MSH3: variants seen among roughly 807,000 people sequenced by gnomAD.
MSH3 encodes mutS homolog 3, also known as DNA mismatch repair protein Msh3.
A neutral mutation model predicts 123.3 loss-of-function variants in MSH3; 106 were observed. The observed-to-expected ratio is 0.86, with a 90% confidence interval of 0.73 to 1.01. The LOEUF (loss-of-function observed/expected upper bound fraction) is 1.01. MSH3 is among the 50% of genes least tolerant of loss of function. The probability of loss-of-function intolerance (pLI) is 0.00; values close to 1 mark genes in which losing one functional copy is unlikely to be tolerated. For missense variants in MSH3, 1,459 were observed against 1,347.6 expected, an observed-to-expected ratio of 1.08 and a Z score of -1.29; for synonymous variants, 515 against 481.4, an observed-to-expected ratio of 1.07 and a Z score of -0.91.
chr5:80,817,526 A>AG (rs1010065788), intron 20 of MSH3, among the ~76,000 whole-genome samples: 20 of 152,318 alleles, frequency 1.3e-4, no homozygotes, highest in South Asian at 2.1e-4. Flanking sequence ...TGGGATATCC[A>AG]GTGGGATATG....
intron 13 of MSH3, among the ~76,000 whole-genome samples, chr5:80,764,516 A>ATTTT (rs575667262): frequency 3.4e-4 from 44 of 128,812 alleles, no homozygotes; most frequent in African/African-American, 1.2e-3. Context: ...ATGCCCAGCT[A>ATTTT]TTTTTTTTTT....
chr5:80,673,556 A>G (rs1421882736), intron 6 of MSH3, among the ~76,000 whole-genome samples: 1 of 152,158 alleles, frequency 6.6e-6, no homozygotes, highest in East Asian at 1.9e-4. Flanking sequence ...AAACAAACCA[A>G]AAATTCAAAA....
chr5:80,763,702 G>A (rs981637218), intron 13 of MSH3, among the ~76,000 whole-genome samples: 2 of 152,174 alleles, frequency 1.3e-5, no homozygotes, highest in Admixed American at 6.5e-5. Flanking sequence ...AGTGTCCATG[G>A]CATCAAGATG....
intron 8 of MSH3, among the ~76,000 whole-genome samples, chr5:80,690,565 G>C (rs143124955): frequency 1.1e-4 from 16 of 152,064 alleles, no homozygotes; most frequent in African/African-American, 3.6e-4. Flanking sequence ...TGATCCGTCC[G>C]CCTTGGCCTC....
At chr5:80,656,325 T>G in intron 1 of MSH3, 86 bp from the exon 2 acceptor site, 2 of 1,554,880 alleles carry the variant, frequency 1.3e-6, no homozygotes, top group South Asian at 2.3e-5. Context: ...ACCTTGTCAT[T>G]CAGTTGTAAG....
At chr5:80,847,077 T>C (rs1580087334) in intron 20 of MSH3, among the ~76,000 whole-genome samples, 1 of 152,150 alleles carries the variant, frequency 6.6e-6, no homozygotes, top group Non-Finnish European at 1.5e-5. Context: ...GATTTTTTTC[T>C]GAGACAGATT....
At chr5:80,784,562 C>A (rs539213719) in intron 17 of MSH3, among the ~76,000 whole-genome samples, 1 of 152,212 alleles carries the variant, frequency 6.6e-6, no homozygotes, top group Non-Finnish European at 1.5e-5. Flanking sequence ...ACAAACAATC[C>A]AATTACACTC....
intron 19 of MSH3, among the ~76,000 whole-genome samples, chr5:80,802,426 C>A (rs1409728093): frequency 1.8e-4 from 26 of 147,936 alleles, no homozygotes; most frequent in South Asian, 1.1e-3. Flanking sequence ...AAAAACAAAA[C>A]AAAAATTGGG....
rs547280282 is a variant in MSH3, at chr5:80,846,630, C to T, written c.2814-7500C>T. Among the ~76,000 whole-genome samples the T allele has an allele frequency of 4.6e-5, 7 of 152,294 alleles. No homozygotes were observed. The South Asian group carries it at 1.2e-3, about 27-fold the overall frequency. ...TCAAGCCTCAGCAATGGCAGATGCC[C>T]CTCCCCCTGTCAAGCCACAACGTCG... On this transcript the variant is annotated intron_variant, in intron 20 of 23. Transcript: ENST00000265081.
intron 20 of MSH3, among the ~76,000 whole-genome samples, chr5:80,836,774 T>TCCCTCTCCCCACGGTCTCCC (rs1561494208): frequency 2.0e-5 from 3 of 151,484 alleles, no homozygotes; most frequent in African/African-American, 7.4e-5. Context: ...CTATACTGTA[T>TCCCTCTCCCCACGGTCTCCC]TATTTTTAAC....
At chr5:80,826,472 G>A (rs540674282) in intron 20 of MSH3, among the ~76,000 whole-genome samples, 4 of 152,068 alleles carry the variant, frequency 2.6e-5, no homozygotes, top group East Asian at 1.9e-4. Context: ...TTCATTGAGT[G>A]CCCACTATGT....
At chr5:80,779,388 T>C (rs1744368705) in intron 17 of MSH3, among the ~76,000 whole-genome samples, 1 of 152,144 alleles carries the variant, frequency 6.6e-6, no homozygotes, top group Admixed American at 6.6e-5. Flanking sequence ...ACATTTGCTT[T>C]TTATCTCTCA....
intron 2 of MSH3, among the ~76,000 whole-genome samples, chr5:80,663,968 C>T (rs1749506959): frequency 6.6e-6 from 1 of 152,128 alleles, no homozygotes; most frequent in Non-Finnish European, 1.5e-5. Context: ...TGTGTGCAGT[C>T]CCAGTTCCTT....
In MSH3 at chr5:80,767,428, T is replaced by C. The variant is rs574779225; in HGVS notation, c.1897-505T>C. 2.0e-5 allele frequency among the ~76,000 whole-genome samples: 3 copies of C among 152,302 alleles called. No individual in the cohort carries two copies. In the South Asian group the frequency reaches 6.2e-4, roughly 32 times the overall value. On this transcript the variant is annotated intron_variant, in intron 13 of 23. Coordinates refer to ENST00000265081, the MANE Select transcript of MSH3 (RefSeq NM_002439.5). The stretch of plus-strand genomic sequence containing the variant: ...GCGTTCCGATAAGTGAAAAATGCTA[T>C]CCTATATTTCTAATTTGCTTGTCTT...
chr5:80,717,030 A>T (rs774874718), intron 8 of MSH3, among the ~76,000 whole-genome samples: 16 of 152,172 alleles, frequency 1.1e-4, no homozygotes, highest in Non-Finnish European at 1.5e-4. Flanking sequence ...ACTGCAAAGG[A>T]CAGGGTTTCA....
intron 8 of MSH3, among the ~76,000 whole-genome samples, chr5:80,702,055 T>C (rs1295191790): frequency 6.6e-6 from 1 of 152,104 alleles, no homozygotes; most frequent in Non-Finnish European, 1.5e-5. Context: ...CTTGATTTTG[T>C]ATCAATAATC....
At chr5:80,839,424 T>A (rs1745576913) in intron 20 of MSH3, among the ~76,000 whole-genome samples, 1 of 152,194 alleles carries the variant, frequency 6.6e-6, no homozygotes. Flanking sequence ...ACTGTATATC[T>A]GGGCACGCTC....
chr5:80,839,089 G>A (rs1044320222), intron 20 of MSH3, among the ~76,000 whole-genome samples: 2 of 152,180 alleles, frequency 1.3e-5, no homozygotes, highest in Non-Finnish European at 2.9e-5. Context: ...TAAATTGGCT[G>A]GGTGCGGTGG....
intron 8 of MSH3, among the ~76,000 whole-genome samples, chr5:80,686,749 T>TAA (rs1403677639): frequency 9.2e-5 from 14 of 152,244 alleles, no homozygotes; most frequent in African/African-American, 3.4e-4. Context: ...AGTAGTTTCT[T>TAA]GTATCTCAGA....
Sources: allele counts gnomAD v4.1 joint callset (sites outside exome capture counted in the v4.1 genomes callset), GRCh38; gene constraint gnomAD v4.1.1; transcripts MANE v1.5; gene names NCBI Gene and HGNC (gene_info 2026-07-23, HGNC 2026-07-21).